The following CLCN5 variants were observed in gnomAD, a reference collection of about 807,000 sequenced individuals.
CLCN5 encodes the protein H(+)/Cl(-) exchange transporter 5.
Under a neutral mutation model 54.0 loss-of-function variants are expected in CLCN5, and 17 were observed. The ratio of observed to expected loss-of-function variants is 0.31; its 90% CI spans 0.22 to 0.47. The LOEUF (loss-of-function observed/expected upper bound fraction) is 0.47, where lower values mean the gene tolerates loss of function less well. Ranked by LOEUF, CLCN5 falls within the 20% of genes least tolerant of loss-of-function variation. The pLI is 1.00. For missense variants in CLCN5, 448 were observed against 646.7 expected (o/e 0.69, Z 3.33); for synonymous variants, 222 against 233.0 (o/e 0.95, Z 0.43).
chrX:49,995,470 T>G (rs1191705087), intron 3 of CLCN5, among the ~76,000 whole-genome samples: 5 of 111,507 alleles, frequency 4.5e-5, no homozygotes, highest in East Asian at 2.8e-4. Context: ...CTGGGAGAGA[T>G]AAAGCACAGT....
intron 3 of CLCN5, among the ~76,000 whole-genome samples, chrX:49,982,682 G>T (rs1477095789): frequency 1.8e-5 from 2 of 111,811 alleles, no homozygotes; most frequent in Non-Finnish European, 3.8e-5. Context: ...TTGTGTGCGT[G>T]TATGGAAAAC....
intron 3 of CLCN5, among the ~76,000 whole-genome samples, chrX:50,002,681 CTG>C (rs60257335): frequency 0.029 from 2,777 of 94,279 alleles, 89 homozygotes; most frequent in East Asian, 0.14. Flanking sequence ...CTCTCTCTCT[CTG>C]TGTGTGTGTG....
intron 3 of CLCN5, among the ~76,000 whole-genome samples, chrX:49,941,823 TC>T (rs1926347881): frequency 9.1e-6 from 1 of 109,656 alleles, no homozygotes; most frequent in Non-Finnish European, 1.9e-5. Flanking sequence ...TCACAATTGT[TC>T]CCATTACTCC....
chrX:49,955,393 GTT>G (rs372145122), intron 3 of CLCN5, among the ~76,000 whole-genome samples: 4 of 101,051 alleles, frequency 4.0e-5, no homozygotes, highest in African/African-American at 1.4e-4. Flanking sequence ...GAGTTGGCAT[GTT>G]TTTTTTTTTT....
At chrX:49,923,312 T>C (rs1925166446) in intron 1 of CLCN5, 95 bp from the exon 2 acceptor site, 1 of 113,092 alleles carries the variant, frequency 8.8e-6, no homozygotes, top group Admixed American at 9.3e-5. Context: ...GCTGGTTCTC[T>C]CCAGACTTTC....
At chrX:50,005,366 C>T (rs1010744217) in intron 3 of CLCN5, among the ~76,000 whole-genome samples, 13 of 111,503 alleles carry the variant, frequency 1.2e-4, no homozygotes, top group East Asian at 2.8e-4. Context: ...TTCTTAGAGC[C>T]GTTATTTCAT....
intron 14 of CLCN5, 137 bp from the exon 15 acceptor site, chrX:50,091,992 T>C (rs1245172968): frequency 4.0e-6 from 2 of 505,377 alleles, no homozygotes; most frequent in African/African-American, 4.6e-5. Context: ...GTCCTACTCC[T>C]GTGATCTCAT....
In CLCN5 at chrX:50,079,590, T is replaced by A. The variant is rs1403555448; in HGVS notation, c.604-1004T>A. Among the ~76,000 whole-genome samples the A allele has an allele frequency of 4.4e-5, 5 of 112,360 alleles. No individual in the cohort carries two copies. In the Admixed American group the frequency reaches 4.7e-4, roughly 11 times the overall value. On this transcript the variant is annotated intron_variant, in intron 7 of 14. Transcript: ENST00000376091. ...AGGGGAATAGTCTCAAAAAGTATAT[T>A]CTTTCTATTTTAAAAAATAGTTGTT...
At chrX:49,944,177 A>G (rs1427313532) in intron 3 of CLCN5, among the ~76,000 whole-genome samples, 6 of 111,366 alleles carry the variant, frequency 5.4e-5, no homozygotes, top group Non-Finnish European at 1.1e-4. Context: ...TTGTGAATGG[A>G]AATTCACTCA....
Position 50,088,688 on chromosome X carries a change from C to A in CLCN5, c.1558-10C>A, listed in dbSNP as rs1933979400. ...TTTCTCACTAACCATCTATTGGTTTCTCTTTGCAGATCCCTTCTGGCCTCT... is the reference window on the plus strand; with the variant it reads ...TTTCTCACTAACCATCTATTGGTTTATCTTTGCAGATCCCTTCTGGCCTCT... On this transcript the variant is annotated splice_polypyrimidine_tract_variant and intron_variant, in intron 11 of 14. Transcript: ENST00000376091. The A allele has an allele frequency of 5.0e-6, 6 of 1,208,471 alleles. No individual in the cohort carries two copies. The highest frequency in any genetic ancestry group is 6.7e-6 in the Non-Finnish European group (6 of 892,274).
chrX:50,034,899 T>G (rs1161370570), intron 3 of CLCN5, among the ~76,000 whole-genome samples: 1 of 111,130 alleles, frequency 9.0e-6, no homozygotes, highest in Non-Finnish European at 1.9e-5. Context: ...TTTCCTCCTC[T>G]TCTCTTCCAG....
chrX:50,060,569 G>A (rs1479597232), intron 4 of CLCN5, among the ~76,000 whole-genome samples: 36 of 109,055 alleles, frequency 3.3e-4, no homozygotes, highest in African/African-American at 6.0e-4. Flanking sequence ...AGGCGGCAGC[G>A]AGGCTGGGGG....
chrX:49,954,504 A>T (rs1037548148), intron 3 of CLCN5, among the ~76,000 whole-genome samples: 1 of 111,509 alleles, frequency 9.0e-6, no homozygotes, highest in Non-Finnish European at 1.9e-5. Flanking sequence ...TCTCTATTCA[A>T]TGTGCTTCCA....
intron 3 of CLCN5, among the ~76,000 whole-genome samples, chrX:49,944,799 G>A (rs180711151): frequency 3.6e-5 from 4 of 111,412 alleles, no homozygotes; most frequent in East Asian, 2.8e-4. Flanking sequence ...TGCTGGATTC[G>A]GTTTGCCAGT....
intron 3 of CLCN5, among the ~76,000 whole-genome samples, chrX:49,969,360 G>A: frequency 8.9e-6 from 1 of 112,572 alleles, no homozygotes; most frequent in Non-Finnish European, 1.9e-5. Context: ...TTACAGGCAT[G>A]AGCCCCTGCA....
In CLCN5 at chrX:50,090,711, A is replaced by G; in HGVS notation, c.2185A>G (p.Ile729Val). ...KKQDGVVSTS[I>V]IYFTEHSPPL... Reference sequence around the variant, plus strand: ...ACAGGATGGGGTTGTTAGCACTTCCATCATTTATTTCACGGAGCATTCTCC... The same window carrying G: ...ACAGGATGGGGTTGTTAGCACTTCCGTCATTTATTTCACGGAGCATTCTCC... Residue 729 changes from isoleucine to valine, a missense_variant, in exon 14 of 15, where the codon ATC becomes GTC. Transcript: ENST00000376091. 8.3e-7 allele frequency: 1 copy of G among 1,210,593 alleles called. No individual in the cohort carries two copies. Among genetic ancestry groups the G allele is most frequent in the Admixed American group, 2.2e-5 (1 of 45,909 alleles).
intron 2 of CLCN5, among the ~76,000 whole-genome samples, chrX:49,923,963 A>G (rs782485394): frequency 3.6e-5 from 4 of 112,341 alleles, no homozygotes; most frequent in African/African-American, 1.3e-4. Flanking sequence ...ATAACAATCT[A>G]CTTTGATGTT....
intron 3 of CLCN5, among the ~76,000 whole-genome samples, chrX:49,957,126 C>G (rs1221717958): frequency 9.0e-6 from 1 of 111,448 alleles, no homozygotes; most frequent in Non-Finnish European, 1.9e-5. Context: ...TGGGGAAACC[C>G]CATCTCTACT....
At chrX:50,007,924 C>T (rs1557181748) in intron 3 of CLCN5, among the ~76,000 whole-genome samples, 1 of 111,866 alleles carries the variant, frequency 8.9e-6, no homozygotes, top group Non-Finnish European at 1.9e-5. Context: ...AACCAAGGTT[C>T]GTAGATACCA....
Sources: allele counts gnomAD v4.1 joint callset (sites outside exome capture counted in the v4.1 genomes callset), GRCh38; gene constraint gnomAD v4.1.1; transcripts MANE v1.5; gene names NCBI Gene and HGNC (gene_info 2026-07-23, HGNC 2026-07-21).